Variants in KLHL4 observed in about 807,000 individuals in gnomAD.
The protein encoded by KLHL4 is kelch like family member 4.
A neutral mutation model predicts 45.8 loss-of-function variants in KLHL4; 17 were observed. The ratio of observed to expected loss-of-function variants is 0.37; its 90% CI spans 0.25 to 0.56. The LOEUF is 0.56. Among genes scored for constraint, KLHL4 ranks in the 20% least tolerant of loss-of-function variants. The pLI is 0.79. For missense variants in KLHL4, 544 were observed against 544.9 expected (o/e 1.00, Z 0.02); for synonymous variants, 224 against 189.9 (o/e 1.18, Z -1.47).
At chrX:87,614,332 G>A (rs1233630720) in intron 2 of KLHL4, 102 bp from the exon 3 acceptor site, 2 of 800,861 alleles carry the variant, frequency 2.5e-6, no homozygotes, top group East Asian at 6.4e-5. Context: ...ATTTTATGGA[G>A]AAAACAGACT....
intron 1 of KLHL4, among the ~76,000 whole-genome samples, chrX:87,535,185 TA>T (rs1377015164): frequency 8.9e-6 from 1 of 111,858 alleles, no homozygotes; most frequent in East Asian, 2.8e-4. Context: ...TATTTACAGA[TA>T]CATTAGCATT....
At chrX:87,619,171 T>TA (rs1027255136) in intron 4 of KLHL4, among the ~76,000 whole-genome samples, 3 of 111,671 alleles carry the variant, frequency 2.7e-5, no homozygotes, top group Admixed American at 9.6e-5. Context: ...TATTTAATAT[T>TA]AAAAAACAAA....
In KLHL4 at chrX:87,669,251, G is replaced by A. The variant is rs1193741829; in HGVS notation, c.*2717G>A. The stretch of plus-strand genomic sequence containing the variant: ...CTATAATCACTATGACCGTGTTCAC[G>A]ATTCCCTACTCTGCAACTCTCAGCA... On this transcript the variant is annotated 3_prime_UTR_variant, in exon 11 of 11. Coordinates refer to ENST00000373119, the MANE Select transcript of KLHL4 (RefSeq NM_019117.5). The A allele has an allele frequency of 6.0e-6, 7 of 1,173,399 alleles. No individual in the cohort carries two copies. Among genetic ancestry groups the A allele is most frequent in the Admixed American group, 4.9e-5 (2 of 40,776 alleles).
In KLHL4 at chrX:87,618,499, G is replaced by A. The variant is rs181777994; in HGVS notation, c.924+371G>A. Among the ~76,000 whole-genome samples the A allele has an allele frequency of 3.8e-3, 429 of 111,776 alleles. 1 individual carries two copies. The highest frequency in any genetic ancestry group is 0.018 in the Middle Eastern group (4 of 218). On this transcript the variant is annotated intron_variant, in intron 4 of 10. Coordinates refer to ENST00000373119, the MANE Select transcript of KLHL4 (RefSeq NM_019117.5). Reference sequence around the variant, plus strand: ...AGAAAGTGAGGTGTCATTCAGTAAGGAAAAATGCTAATATTAATGGGTCAA... The same window carrying A: ...AGAAAGTGAGGTGTCATTCAGTAAGAAAAAATGCTAATATTAATGGGTCAA...
intron 1 of KLHL4, among the ~76,000 whole-genome samples, chrX:87,527,544 G>T (rs752514318): frequency 1.8e-5 from 2 of 111,250 alleles, no homozygotes; most frequent in South Asian, 7.6e-4. Flanking sequence ...TGAACAACTT[G>T]CCAGCTTCCC....
chrX:87,528,323 T>G (rs1931156081), intron 1 of KLHL4, among the ~76,000 whole-genome samples: 1 of 111,240 alleles, frequency 9.0e-6, no homozygotes, highest in African/African-American at 3.3e-5. Flanking sequence ...AAAGGCAAGC[T>G]TTTTGAAATA....
chrX:87,584,227 C>G (rs113730243), intron 1 of KLHL4, among the ~76,000 whole-genome samples: 3 of 111,721 alleles, frequency 2.7e-5, no homozygotes, highest in African/African-American at 9.8e-5. Context: ...GGAAACCCTT[C>G]CCATGAAGCA....
intron 9 of KLHL4, among the ~76,000 whole-genome samples, chrX:87,637,132 C>A (rs1450960394): frequency 9.0e-6 from 1 of 111,422 alleles, no homozygotes; most frequent in African/African-American, 3.3e-5. Flanking sequence ...GTGCTAGTAT[C>A]CATGGCTGAG....
At chrX:87,607,509 T>C (rs1922236506) in intron 1 of KLHL4, among the ~76,000 whole-genome samples, 1 of 111,848 alleles carries the variant, frequency 8.9e-6, no homozygotes, top group South Asian at 3.7e-4. Context: ...TACCTGCATA[T>C]GCCCTTAAAT....
intron 1 of KLHL4, among the ~76,000 whole-genome samples, chrX:87,521,314 A>C (rs765155811): frequency 8.9e-6 from 1 of 112,029 alleles, no homozygotes; most frequent in Non-Finnish European, 1.9e-5. Flanking sequence ...TTGCTATCCA[A>C]AAGAAAGTAG....
At chrX:87,657,016 G>T (rs768524786) in intron 9 of KLHL4, among the ~76,000 whole-genome samples, 1 of 112,070 alleles carries the variant, frequency 8.9e-6, no homozygotes, top group African/African-American at 3.2e-5. Flanking sequence ...AGTGCCAGTT[G>T]TCATAGCAAT....
At chrX:87,626,670 G>A (rs1922940379) in intron 6 of KLHL4, among the ~76,000 whole-genome samples, 1 of 107,642 alleles carries the variant, frequency 9.3e-6, no homozygotes, top group African/African-American at 3.4e-5. Context: ...AAAAAACTCA[G>A]TATTTATCTT....
chrX:87,604,417 G>A (rs951349179), intron 1 of KLHL4, among the ~76,000 whole-genome samples: 1 of 111,073 alleles, frequency 9.0e-6, no homozygotes, highest in African/African-American at 3.3e-5. Context: ...AACTCACCAA[G>A]ACTTTTCTTT....
intron 1 of KLHL4, among the ~76,000 whole-genome samples, chrX:87,597,779 A>G (rs1316576038): frequency 9.0e-6 from 1 of 111,507 alleles, no homozygotes; most frequent in Non-Finnish European, 1.9e-5. Flanking sequence ...TATGCATCAT[A>G]TATCAGGACA....
chrX:87,571,982 T>C (rs1030992113), intron 1 of KLHL4, among the ~76,000 whole-genome samples: 4 of 110,838 alleles, frequency 3.6e-5, no homozygotes, highest in African/African-American at 6.5e-5. Context: ...GCTATTTGGC[T>C]TGAGGGGGCA....
intron 9 of KLHL4, among the ~76,000 whole-genome samples, chrX:87,658,644 G>A (rs1329600439): frequency 9.0e-6 from 1 of 111,509 alleles, no homozygotes; most frequent in East Asian, 2.8e-4. Context: ...AGCACAGGCT[G>A]CTGCCACCAA....
chrX:87,611,436 C>G (rs1408417568), intron 1 of KLHL4, among the ~76,000 whole-genome samples: 2 of 110,356 alleles, frequency 1.8e-5, no homozygotes, highest in African/African-American at 6.6e-5. Flanking sequence ...TGAAAAACCG[C>G]TTATATGATG....
chrX:87,557,599 C>T (rs1355752393), intron 1 of KLHL4, among the ~76,000 whole-genome samples: 1 of 99,743 alleles, frequency 1.0e-5, no homozygotes, highest in South Asian at 4.7e-4. Flanking sequence ...TCATGCTTAC[C>T]AACCTAAAAT....
At chrX:87,523,323 A>C (rs1379873206) in intron 1 of KLHL4, among the ~76,000 whole-genome samples, 2 of 111,574 alleles carry the variant, frequency 1.8e-5, no homozygotes, top group African/African-American at 3.3e-5. Flanking sequence ...ATATATGTAC[A>C]CGTATATGTA....
Sources: gnomAD v4.1 joint callset for allele counts (sites outside exome capture counted in the v4.1 genomes callset) on GRCh38, gnomAD v4.1.1 for gene constraint, MANE v1.5 for transcripts, NCBI Gene and HGNC (gene_info 2026-07-23, HGNC 2026-07-21) for gene names.